The following CDK6 variants were observed in gnomAD, a reference collection of about 807,000 sequenced individuals.
The protein encoded by CDK6 is cyclin-dependent kinase 6.
CDK6 carries 6 observed loss-of-function variants against 37.1 expected under a neutral mutation model. The ratio of observed to expected loss-of-function variants is 0.16; its 90% CI spans 0.09 to 0.32. The LOEUF is 0.32. CDK6 is among the 10% of genes least tolerant of loss of function. The pLI, the probability that CDK6 is intolerant of heterozygous loss-of-function variation, is 1.00. For synonymous variants in CDK6, 160 were observed against 161.3 expected, an observed-to-expected ratio of 0.99 and a Z score of 0.06; for missense variants, 224 against 418.9, an observed-to-expected ratio of 0.53 and a Z score of 4.06.
chr7:92,657,610 C>T (rs191421836), intron 5 of CDK6, among the ~76,000 whole-genome samples: 5 of 152,242 alleles, frequency 3.3e-5, no homozygotes, highest in Admixed American at 6.5e-5. Flanking sequence ...TATCACTACC[C>T]AACTGATAAA....
At chr7:92,618,876 G>A (rs1795739140) in intron 6 of CDK6, among the ~76,000 whole-genome samples, 1 of 152,134 alleles carries the variant, frequency 6.6e-6, no homozygotes, top group South Asian at 2.1e-4. Context: ...ACCATTCTGG[G>A]ATCAGAAATG....
intron 5 of CDK6, among the ~76,000 whole-genome samples, chr7:92,647,401 T>C (rs916879370): frequency 1.3e-5 from 2 of 152,196 alleles, no homozygotes; most frequent in African/African-American, 4.8e-5. Context: ...AAGATGAGAT[T>C]GGAAGAATGA....
chr7:92,678,981 G>A (rs1335965362), intron 4 of CDK6, among the ~76,000 whole-genome samples: 1 of 152,132 alleles, frequency 6.6e-6, no homozygotes, highest in African/African-American at 2.4e-5. Flanking sequence ...TCTTCCTCCT[G>A]GATTCCAGTA....
Position 92,614,712 on chromosome 7 carries a change from C to T in CDK6, c.*428G>A, listed in dbSNP as rs3731390. The T allele has an allele frequency of 1.5e-3, 373 of 253,536 alleles. 2 individuals carry two copies. The highest frequency in any genetic ancestry group is 7.2e-3 in the African/African-American group (332 of 45,978). 15.7% of individuals were successfully genotyped at this position (253,536 alleles called of 1,614,324 possible). On this transcript the variant is annotated 3_prime_UTR_variant, in exon 8 of 8. Transcript: ENST00000424848. The stretch of plus-strand genomic sequence containing the variant: ...TCTCTCACATACACACACACACACA[C>T]ACACACACACACACACATGCACACA...
In CDK6 at chr7:92,786,706, T is replaced by C. The variant is rs987930488; in HGVS notation, c.234-11875A>G. Among the ~76,000 whole-genome samples, 78 of 148,854 alleles carry C rather than the reference T, an allele frequency of 5.2e-4. 1 individual carries two copies. Among genetic ancestry groups the C allele is most frequent in the Admixed American group, 1.0e-3 (15 of 14,840 alleles). On this transcript the variant is annotated intron_variant, in intron 2 of 7. Transcript: ENST00000424848. The stretch of plus-strand genomic sequence containing the variant: ...TATATATTGTATATATACACACACA[T>C]ACACATTATATATGATATATAATGT...
chr7:92,731,864 A>T (rs1741813907), intron 3 of CDK6, among the ~76,000 whole-genome samples: 1 of 152,232 alleles, frequency 6.6e-6, no homozygotes, highest in Non-Finnish European at 1.5e-5. Context: ...TTACCTCATC[A>T]TAATGGCTAT....
chr7:92,784,376 G>A (rs1169082147), intron 2 of CDK6, among the ~76,000 whole-genome samples: 3 of 152,122 alleles, frequency 2.0e-5, no homozygotes, highest in Non-Finnish European at 4.4e-5. Flanking sequence ...ACAAAAAGAA[G>A]CGACCTGCCA....
At chr7:92,720,963 A>C (rs1283515639) in intron 4 of CDK6, among the ~76,000 whole-genome samples, 1 of 152,206 alleles carries the variant, frequency 6.6e-6, no homozygotes, top group Non-Finnish European at 1.5e-5. Flanking sequence ...CAATGGAAAG[A>C]ACTTCCCTGT....
intron 2 of CDK6, among the ~76,000 whole-genome samples, chr7:92,805,224 C>T (rs1800694348): frequency 6.6e-6 from 1 of 152,172 alleles, no homozygotes; most frequent in African/African-American, 2.4e-5. Flanking sequence ...CCACACCCTT[C>T]ACCACCATCA....
At chr7:92,672,260 CAGGGCT>C (rs1206423443) in intron 4 of CDK6, among the ~76,000 whole-genome samples, 1 of 126,002 alleles carries the variant, frequency 7.9e-6, no homozygotes, top group Non-Finnish European at 1.6e-5. Flanking sequence ...AAGATGGTGC[CAGGGCT>C]GCTGGATGGT....
At chr7:92,662,074 A>C (rs1796852352) in intron 5 of CDK6, among the ~76,000 whole-genome samples, 1 of 152,202 alleles carries the variant, frequency 6.6e-6, no homozygotes. Context: ...TTTGACTCTT[A>C]CGAGGCAAGT....
Position 92,609,186 on chromosome 7 carries a change from G to A in CDK6, c.*5954C>T, listed in dbSNP as rs376849672. ...ACCGTCGAGTGTCTGCCACTCAAAA[G>A]GAATAAGCTGCTTTCTGTGGTGCTG... On this transcript the variant is annotated 3_prime_UTR_variant, in exon 8 of 8. Coordinates refer to ENST00000424848, the MANE Select transcript of CDK6 (RefSeq NM_001145306.2). 4 of 232,704 alleles carry A rather than the reference G, an allele frequency of 1.7e-5. No individual in the cohort carries two copies. The highest frequency in any genetic ancestry group is 1.8e-4 in the South Asian group (1 of 5,530). The allele number at this position is 232,704 out of a possible 1,614,324, so 14.4% of individuals were successfully genotyped here. A position where few individuals can be genotyped will look rare whatever the true frequency, so the allele number is the denominator to read the frequency against.
chr7:92,783,838 G>A (rs1256922352), intron 2 of CDK6, among the ~76,000 whole-genome samples: 1 of 152,120 alleles, frequency 6.6e-6, no homozygotes, highest in African/African-American at 2.4e-5. Flanking sequence ...TATTTAGGAT[G>A]GCTTAATGGG....
intron 4 of CDK6, among the ~76,000 whole-genome samples, chr7:92,706,926 A>C (rs1028724613): frequency 6.6e-6 from 1 of 152,216 alleles, no homozygotes; most frequent in Non-Finnish European, 1.5e-5. Flanking sequence ...AACATTGTTT[A>C]AATAACTGAT....
At chr7:92,765,035 A>G (rs1799545785) in intron 3 of CDK6, among the ~76,000 whole-genome samples, 1 of 152,228 alleles carries the variant, frequency 6.6e-6, no homozygotes. Context: ...AATATAGTAT[A>G]GTACTTCAAA....
chr7:92,824,751 T>G (rs1801268201), intron 2 of CDK6, among the ~76,000 whole-genome samples: 1 of 152,134 alleles, frequency 6.6e-6, no homozygotes, highest in Admixed American at 6.6e-5. Flanking sequence ...AGGAATTCAT[T>G]TTGTTAATAA....
intron 4 of CDK6, among the ~76,000 whole-genome samples, chr7:92,716,456 T>C (rs1029976836): frequency 1.3e-5 from 2 of 152,216 alleles, no homozygotes; most frequent in Admixed American, 6.5e-5. Context: ...TGTACTCAAG[T>C]GCCCACCTCG....
chr7:92,723,407 C>A (rs565430319), intron 4 of CDK6, among the ~76,000 whole-genome samples: 1 of 152,214 alleles, frequency 6.6e-6, no homozygotes, highest in South Asian at 2.1e-4. Context: ...TATGACATAA[C>A]CCACTAAAAA....
intron 5 of CDK6, among the ~76,000 whole-genome samples, chr7:92,627,336 C>G (rs930633692): frequency 3.9e-5 from 6 of 151,976 alleles, no homozygotes; most frequent in African/African-American, 1.4e-4. Context: ...GGTCTGTGCC[C>G]CTGAAAATTT....
Sources: gnomAD v4.1 joint callset for allele counts (sites outside exome capture counted in the v4.1 genomes callset) on GRCh38, gnomAD v4.1.1 for gene constraint, MANE v1.5 for transcripts, NCBI Gene and HGNC (gene_info 2026-07-23, HGNC 2026-07-21) for gene names.